Variants in CSNK1G1 observed in about 807,000 individuals in gnomAD.
CSNK1G1 encodes the protein casein kinase I isoform gamma-1.
A neutral mutation model predicts 59.6 loss-of-function variants in CSNK1G1; 22 were observed. That is an observed-to-expected ratio of 0.37 (90% CI 0.26 to 0.53). CSNK1G1 has a LOEUF of 0.53. Ranked by LOEUF, CSNK1G1 falls within the 20% of genes least tolerant of loss-of-function variation. CSNK1G1 has a pLI of 0.89. For missense variants in CSNK1G1, 384 were observed against 519.5 expected (o/e 0.74, Z 2.54); for synonymous variants, 179 against 177.1 (o/e 1.01, Z -0.08).
intron 1 of CSNK1G1, among the ~76,000 whole-genome samples, chr15:64,343,931 A>G (rs963629351): frequency 6.6e-6 from 1 of 151,984 alleles, no homozygotes; most frequent in South Asian, 2.1e-4. Flanking sequence ...AAGCCTTAAA[A>G]TATTTCTAAT....
At chr15:64,234,066 T>G (rs543024824) in intron 4 of CSNK1G1, among the ~76,000 whole-genome samples, 4 of 152,140 alleles carry the variant, frequency 2.6e-5, no homozygotes, top group Non-Finnish European at 5.9e-5. Flanking sequence ...TGACATTTGT[T>G]CCATAAGATA....
intron 4 of CSNK1G1, among the ~76,000 whole-genome samples, chr15:64,230,097 T>G (rs1195574643): frequency 1.3e-5 from 2 of 151,274 alleles, no homozygotes; most frequent in Admixed American, 1.3e-4. Flanking sequence ...AATTTTTATA[T>G]TTTTAGTAGA....
At chr15:64,215,745 G>A (rs550970068) in intron 5 of CSNK1G1, among the ~76,000 whole-genome samples, 1 of 152,308 alleles carries the variant, frequency 6.6e-6, no homozygotes, top group East Asian at 1.9e-4. Flanking sequence ...TAATTTGGTA[G>A]GAGCTACAAG....
chr15:64,199,331 CT>C (rs1189605504), intron 10 of CSNK1G1, among the ~76,000 whole-genome samples: 1 of 143,724 alleles, frequency 7.0e-6, no homozygotes, highest in Non-Finnish European at 1.5e-5. Context: ...CAAGATTCAA[CT>C]TTTCAAAAAT....
chr15:64,211,273 ATTTC>A (rs2082246015), intron 6 of CSNK1G1, among the ~76,000 whole-genome samples: 1 of 152,194 alleles, frequency 6.6e-6, no homozygotes, highest in Non-Finnish European at 1.5e-5. Context: ...CATCTCAGTC[ATTTC>A]TTCTTTGCAA....
At chr15:64,251,647 T>C (rs572508725) in intron 3 of CSNK1G1, 66 bp from the exon 4 acceptor site, 16 of 1,216,836 alleles carry the variant, frequency 1.3e-5, no homozygotes, top group Non-Finnish European at 1.8e-5. Flanking sequence ...TCTTAAATTT[T>C]TGGAGTAAAC....
intron 4 of CSNK1G1, among the ~76,000 whole-genome samples, chr15:64,219,796 A>G (rs575850724): frequency 1.3e-3 from 166 of 125,470 alleles, no homozygotes; most frequent in African/African-American, 5.5e-3. Flanking sequence ...TTTTTTTGAG[A>G]CAGAGTCTCG....
Position 64,268,739 on chromosome 15 carries a change from C to A in CSNK1G1, c.182-9498G>T, listed in dbSNP as rs184498744. Among the ~76,000 whole-genome samples, 11 of 152,140 alleles carry A rather than the reference C, an allele frequency of 7.2e-5. No individual in the cohort carries two copies. The East Asian group carries it at 2.1e-3, about 29-fold the overall frequency. On this transcript the variant is annotated intron_variant, in intron 2 of 11. Coordinates refer to ENST00000303052, the MANE Select transcript of CSNK1G1 (RefSeq NM_022048.5). ...AATGTGGGTGTGTGTGTCAGCATCC[C>A]GCCACGGAATGACATTCCTCCAGGG...
At chr15:64,262,916 C>CT (rs1378936180) in intron 2 of CSNK1G1, among the ~76,000 whole-genome samples, 2 of 151,814 alleles carry the variant, frequency 1.3e-5, no homozygotes, top group East Asian at 3.9e-4. Flanking sequence ...CCCGTCTCTA[C>CT]TAAAAATACA....
chr15:64,185,813 G>T (rs930080172), intron 10 of CSNK1G1, among the ~76,000 whole-genome samples: 5 of 142,544 alleles, frequency 3.5e-5, no homozygotes, highest in African/African-American at 1.3e-4. Flanking sequence ...AGTAAGCCAA[G>T]ATCGCGCTAC....
At chr15:64,319,714 T>TTG (rs1409875799) in intron 1 of CSNK1G1, among the ~76,000 whole-genome samples, 3 of 151,808 alleles carry the variant, frequency 2.0e-5, no homozygotes, top group Admixed American at 6.6e-5. Flanking sequence ...CCGGCTAATT[T>TTG]TGTGTGTGTG....
chr15:64,234,315 G>C (rs757937595), intron 4 of CSNK1G1, among the ~76,000 whole-genome samples: 1 of 151,916 alleles, frequency 6.6e-6, no homozygotes, highest in Non-Finnish European at 1.5e-5. Flanking sequence ...ATAAAATTAG[G>C]TTGCTGTTGC....
intron 4 of CSNK1G1, among the ~76,000 whole-genome samples, chr15:64,231,019 T>C (rs879928999): frequency 1.3e-5 from 2 of 151,482 alleles, no homozygotes; most frequent in Non-Finnish European, 2.9e-5. Flanking sequence ...AATTGCAGGT[T>C]ATATTCCTTT....
At chr15:64,352,741 G>A (rs543555633) in intron 1 of CSNK1G1, among the ~76,000 whole-genome samples, 1 of 151,240 alleles carries the variant, frequency 6.6e-6, no homozygotes, top group East Asian at 2.0e-4. Flanking sequence ...CACCATGCCT[G>A]GCCTAATTTC....
At chr15:64,232,088 A>C (rs1387035091) in intron 4 of CSNK1G1, among the ~76,000 whole-genome samples, 1 of 152,220 alleles carries the variant, frequency 6.6e-6, no homozygotes, top group Non-Finnish European at 1.5e-5. Context: ...GGCTGGCTTT[A>C]AGGCAATATG....
rs76676496 is a variant in CSNK1G1 at position 64,237,332 on chromosome 15, C to T, written c.292+14180G>A. 8.3e-3 allele frequency among the ~76,000 whole-genome samples: 1,264 copies of T among 152,164 alleles called. 17 individuals carry two copies. Among genetic ancestry groups the T allele is most frequent in the African/African-American group, 0.029 (1,210 of 41,500 alleles). On this transcript the variant is annotated intron_variant, in intron 4 of 11. Transcript: ENST00000303052. The stretch of plus-strand genomic sequence containing the variant: ...CTGAATTTAGGAGTATAGGTAATAC[C>T]TCTGGCAGAGAGACCTGAAAAATTT...
chr15:64,291,101 T>A (rs1171442987), intron 2 of CSNK1G1, among the ~76,000 whole-genome samples: 1 of 152,218 alleles, frequency 6.6e-6, no homozygotes, highest in Non-Finnish European at 1.5e-5. Context: ...AACCTAAAAA[T>A]TTGTAAATTT....
rs1321333604 is a variant in CSNK1G1 at position 64,216,122 on chromosome 15, G to C, written c.444+440C>G. On this transcript the variant is annotated intron_variant, in intron 5 of 11. Transcript: ENST00000303052. This position sits in a 1 kb window ranked among gnomAD's most constrained non-coding sequence, Gnocchi z 4.6. ...CACCTGCAGTCCTAGCTGCTGGAGA[G>C]GCTGAGGCAGGAGAATCACTTGAGC... Among the ~76,000 whole-genome samples the C allele has an allele frequency of 3.9e-5, 6 of 151,954 alleles. No homozygotes were observed. Among genetic ancestry groups the C allele is most frequent in the Non-Finnish European group, 8.8e-5 (6 of 67,998 alleles).
At chr15:64,263,185 C>CT (rs1892791095) in intron 2 of CSNK1G1, among the ~76,000 whole-genome samples, 2 of 151,642 alleles carry the variant, frequency 1.3e-5, no homozygotes, top group South Asian at 4.2e-4. Flanking sequence ...AGTGTGCAAC[C>CT]TTTTTCTTTT....
Sources: gnomAD v4.1 joint callset for allele counts (sites outside exome capture counted in the v4.1 genomes callset) on GRCh38, gnomAD v4.1.1 for gene constraint, Gnocchi (gnomAD v3.1) non-coding constraint, MANE v1.5 for transcripts, NCBI Gene and HGNC (gene_info 2026-07-23, HGNC 2026-07-21) for gene names.